Variants in NT5M observed in about 807,000 individuals in gnomAD.
The protein encoded by NT5M is 5'(3')-deoxyribonucleotidase, mitochondrial.
A neutral mutation model predicts 22.2 loss-of-function variants in NT5M; 22 were observed. That is an observed-to-expected ratio of 0.99 (90% confidence interval 0.71 to 1.41). NT5M has a LOEUF of 1.41. NT5M is among the 40% of genes most tolerant of loss of function. The probability of loss-of-function intolerance (pLI) is 0.00; values close to 1 mark genes in which losing one functional copy is unlikely to be tolerated. For missense variants in NT5M, 322 were observed against 314.8 expected (o/e 1.02, Z -0.17); for synonymous variants, 167 against 133.0 (o/e 1.26, Z -1.76).
chr17:17,325,824 C>T (rs1292827584), intron 3 of NT5M, among the ~76,000 whole-genome samples: 1 of 152,208 alleles, frequency 6.6e-6, no homozygotes, highest in African/African-American at 2.4e-5. Context: ...GTCCACGAGG[C>T]CTCGGCCCAG....
chr17:17,316,590 G>T (rs1355845972), intron 2 of NT5M, among the ~76,000 whole-genome samples: 1 of 151,670 alleles, frequency 6.6e-6, no homozygotes, highest in Non-Finnish European at 1.5e-5. Flanking sequence ...TGGCCAGGCT[G>T]GTCTGGAACT....
At chr17:17,346,635 C>T (rs543882191) in intron 4 of NT5M, among the ~76,000 whole-genome samples, 170 bp from the exon 5 acceptor site, 14 of 152,348 alleles carry the variant, frequency 9.2e-5, no homozygotes, top group South Asian at 2.1e-4. Context: ...TGCCGCATCT[C>T]GTGCCATCCT....
chr17:17,341,366 T>G (rs1456043485), intron 3 of NT5M, among the ~76,000 whole-genome samples: 2 of 152,218 alleles, frequency 1.3e-5, no homozygotes, highest in Non-Finnish European at 2.9e-5. Context: ...GAAACTGACC[T>G]CACAGTGGAA....
At chr17:17,320,606 A>G (rs1240098500) in intron 2 of NT5M, among the ~76,000 whole-genome samples, 2 of 152,072 alleles carry the variant, frequency 1.3e-5, no homozygotes, top group Non-Finnish European at 1.5e-5. Flanking sequence ...CACGTTGGAA[A>G]TCCTGTGTGA....
chr17:17,327,035 C>T (rs959995717), intron 3 of NT5M, among the ~76,000 whole-genome samples: 1 of 151,718 alleles, frequency 6.6e-6, no homozygotes, highest in African/African-American at 2.4e-5. Context: ...CCTCAGCCTC[C>T]TTAGTAGTTG....
chr17:17,331,602 A>AT (rs953916208), intron 3 of NT5M, among the ~76,000 whole-genome samples: 10 of 148,728 alleles, frequency 6.7e-5, no homozygotes, highest in East Asian at 3.9e-4. Flanking sequence ...TATTTATGTA[A>AT]TTTTTTTTTT....
rs534095559 is a variant in NT5M, at chr17:17,309,214, C to T, written c.368+2571C>T. On this transcript the variant is annotated intron_variant, in intron 2 of 4. Transcript: ENST00000389022. ...GATGATGGCTTACTGCAGCCTTTAC[C>T]GCCTGGACTCAAATGATCCTCCTGC... Among the ~76,000 whole-genome samples the T allele has an allele frequency of 2.6e-4, 39 of 151,530 alleles. 1 individual carries two copies. The highest frequency in any genetic ancestry group is 7.8e-4 in the African/African-American group (32 of 41,262).
rs2049770181 is a variant in NT5M at position 17,346,831 on chromosome 17, C to G, written c.571C>G (p.His191Asp). 1 of 1,607,946 alleles carries G rather than the reference C, an allele frequency of 6.2e-7. No homozygotes were observed. The highest frequency in any genetic ancestry group is 8.5e-7 in the Non-Finnish European group (1 of 1,179,936). The change falls in exon 5 of 5, where the codon CAT becomes GAT. Residue 191 changes from histidine to aspartate, a missense_variant. Physicochemically the swap from His to Asp is moderately conservative, Grantham distance 81. Coordinates refer to ENST00000389022, the MANE Select transcript of NT5M (RefSeq NM_020201.4). Reference protein sequence around the residue: ...TGAEPTPSWEHVLFTACHNQH... With the variant: ...TGAEPTPSWEDVLFTACHNQH... ...GGCCGAGCCAACCCCCAGCTGGGAG[C>G]ATGTCCTCTTCACCGCCTGCCACAA...
At chr17:17,341,510 T>C (rs2049640216) in intron 3 of NT5M, among the ~76,000 whole-genome samples, 1 of 152,184 alleles carries the variant, frequency 6.6e-6, no homozygotes, top group Admixed American at 6.5e-5. Context: ...ACTGAGACTC[T>C]GATGCATAAT....
intron 2 of NT5M, among the ~76,000 whole-genome samples, chr17:17,319,038 C>G (rs2049095978): frequency 6.6e-6 from 1 of 151,632 alleles, no homozygotes. Context: ...TGGTGAAACC[C>G]CACCTCTACT....
intron 1 of NT5M, 103 bp from the exon 2 acceptor site, chr17:17,306,440 G>C: frequency 6.4e-6 from 5 of 778,416 alleles, no homozygotes; most frequent in Non-Finnish European, 1.1e-5. Context: ...GGGAGTGAGA[G>C]GAATGAAGAA....
At chr17:17,322,429 G>T (rs2049170314) in intron 2 of NT5M, among the ~76,000 whole-genome samples, 1 of 152,156 alleles carries the variant, frequency 6.6e-6, no homozygotes, top group East Asian at 1.9e-4. Context: ...TGAGTCTTTA[G>T]GAGAGGGGAT....
intron 3 of NT5M, among the ~76,000 whole-genome samples, chr17:17,344,037 C>G (rs1567902442): frequency 1.3e-5 from 2 of 152,160 alleles, no homozygotes; most frequent in Admixed American, 6.5e-5. Context: ...GGAATCGAGG[C>G]AAAGGGAAAG....
chr17:17,316,665 C>T (rs967114536), intron 2 of NT5M, among the ~76,000 whole-genome samples: 5 of 151,866 alleles, frequency 3.3e-5, no homozygotes, highest in East Asian at 1.9e-4. Context: ...AGTGAGCCAC[C>T]GTGCCCAGCC....
intron 3 of NT5M, among the ~76,000 whole-genome samples, chr17:17,337,549 C>T (rs534831743): frequency 1.4e-4 from 21 of 152,056 alleles, no homozygotes; most frequent in African/African-American, 4.6e-4. Context: ...AGACTACAAG[C>T]GTGTGCCACC....
intron 3 of NT5M, among the ~76,000 whole-genome samples, chr17:17,330,039 G>A (rs911170971): frequency 2.0e-5 from 3 of 152,048 alleles, no homozygotes; most frequent in Non-Finnish European, 2.9e-5. Flanking sequence ...GGTGGCTCAC[G>A]CCTGTAATCC....
At chr17:17,310,384 A>T (rs940867976) in intron 2 of NT5M, among the ~76,000 whole-genome samples, 1 of 152,128 alleles carries the variant, frequency 6.6e-6, no homozygotes, top group African/African-American at 2.4e-5. Context: ...TCTCTACAAA[A>T]AATACAAAAA....
chr17:17,345,590 G>A (rs937554894), intron 4 of NT5M, among the ~76,000 whole-genome samples: 4 of 147,414 alleles, frequency 2.7e-5, no homozygotes, highest in African/African-American at 1.0e-4. Flanking sequence ...GAGCCTAGGA[G>A]TTGGAGACCA....
chr17:17,306,420 G>A, intron 1 of NT5M, 123 bp from the exon 2 acceptor site: 1 of 721,336 alleles, frequency 1.4e-6, no homozygotes, highest in South Asian at 1.6e-5. Flanking sequence ...GTCCTTGGGT[G>A]TGTGTTTGGG....
Sources: allele counts gnomAD v4.1 joint callset (sites outside exome capture counted in the v4.1 genomes callset), GRCh38; gene constraint gnomAD v4.1.1; transcripts MANE v1.5; gene names NCBI Gene and HGNC (gene_info 2026-07-23, HGNC 2026-07-21).